SUPT3H: variants seen among roughly 807,000 people sequenced by gnomAD.
SUPT3H encodes transcription initiation protein SPT3 homolog.
In SUPT3H, 44 loss-of-function variants were observed where a neutral mutation model predicts 44.3. The ratio of observed to expected loss-of-function variants is 0.99; its 90% CI spans 0.78 to 1.28. SUPT3H has a LOEUF of 1.28. Among genes scored for constraint, SUPT3H ranks in the 50% most tolerant of loss-of-function variants. SUPT3H has a pLI of 0.00. For synonymous variants in SUPT3H, 124 were observed against 125.6 expected (o/e 0.99, Z 0.09); for missense variants, 380 against 387.1 (o/e 0.98, Z 0.15).
At chr6:44,954,690 A>T (rs1774851598) in intron 7 of SUPT3H, 83 bp from the exon 8 acceptor site, 1 of 765,666 alleles carries the variant, frequency 1.3e-6, no homozygotes, top group South Asian at 1.6e-5. Flanking sequence ...AAAATTAAAA[A>T]AGTATACTCA....
intron 2 of SUPT3H, among the ~76,000 whole-genome samples, chr6:45,114,417 G>A (rs144249869): frequency 6.6e-6 from 1 of 152,112 alleles, no homozygotes; most frequent in South Asian, 2.1e-4. Flanking sequence ...GCAATGGGCA[G>A]TGTGAAATAT....
chr6:45,155,413 G>A (rs1223215843), intron 2 of SUPT3H, among the ~76,000 whole-genome samples: 10 of 152,010 alleles, frequency 6.6e-5, no homozygotes, highest in Non-Finnish European at 1.3e-4. Context: ...TGAGGGAAGG[G>A]GCTGATGTGG....
At chr6:45,023,986 A>G (rs1785558663) in intron 3 of SUPT3H, among the ~76,000 whole-genome samples, 1 of 152,198 alleles carries the variant, frequency 6.6e-6, no homozygotes, top group South Asian at 2.1e-4. Context: ...TAAACTTAAA[A>G]TTGGTGCATT....
At chr6:44,895,263 T>A (rs1763958408) in intron 10 of SUPT3H, among the ~76,000 whole-genome samples, 1 of 150,964 alleles carries the variant, frequency 6.6e-6, no homozygotes, top group South Asian at 2.1e-4. Flanking sequence ...TGTTTTTTTT[T>A]TTTTTTTTTT....
intron 2 of SUPT3H, chr6:45,251,241 T>A (rs373940583): frequency 1.3e-5 from 2 of 152,342 alleles, no homozygotes; most frequent in East Asian, 3.9e-4. Flanking sequence ...TGATCAGAGA[T>A]GTATGTGTAT....
intron 2 of SUPT3H, among the ~76,000 whole-genome samples, chr6:45,320,359 G>A (rs1785295088): frequency 6.6e-6 from 1 of 151,942 alleles, no homozygotes; most frequent in African/African-American, 2.4e-5. Flanking sequence ...CACCTCCTGG[G>A]GTCAGGTGAT....
intron 3 of SUPT3H, among the ~76,000 whole-genome samples, chr6:45,033,070 C>T (rs1323124441): frequency 1.3e-5 from 2 of 151,620 alleles, no homozygotes; most frequent in Non-Finnish European, 2.9e-5. Flanking sequence ...TACTAACTCA[C>T]CAAAACAAAA....
chr6:44,876,573 C>T (rs1168592112), intron 10 of SUPT3H, among the ~76,000 whole-genome samples: 14 of 147,776 alleles, frequency 9.5e-5, no homozygotes, highest in African/African-American at 3.2e-4. Flanking sequence ...TTAGTGGGTG[C>T]AGCGCACCAG....
chr6:45,199,794 T>A (rs1665832814), intron 2 of SUPT3H, among the ~76,000 whole-genome samples: 1 of 151,494 alleles, frequency 6.6e-6, no homozygotes, highest in South Asian at 2.1e-4. Flanking sequence ...CCATTCATAA[T>A]TCAGAAATGT....
chr6:44,959,496 A>T (rs979717533), intron 7 of SUPT3H, among the ~76,000 whole-genome samples: 5 of 152,140 alleles, frequency 3.3e-5, no homozygotes, highest in African/African-American at 1.2e-4. Flanking sequence ...TAAAATAAAA[A>T]GTTGAAAGTA....
chr6:44,881,912 A>G (rs775874529), intron 10 of SUPT3H, among the ~76,000 whole-genome samples: 2 of 152,140 alleles, frequency 1.3e-5, no homozygotes, highest in Non-Finnish European at 2.9e-5. Context: ...TTATAGCACT[A>G]AAATGCCCAC....
intron 10 of SUPT3H, among the ~76,000 whole-genome samples, chr6:44,843,795 T>C (rs1212715475): frequency 6.6e-6 from 1 of 152,096 alleles, no homozygotes; most frequent in African/African-American, 2.4e-5. Context: ...TATTTTTCCA[T>C]AGACTTATCT....
intron 2 of SUPT3H, among the ~76,000 whole-genome samples, chr6:45,226,015 A>G (rs373557751): frequency 1.1e-4 from 17 of 152,232 alleles, no homozygotes; most frequent in African/African-American, 3.1e-4. Context: ...CATCTTCACA[A>G]GACATATACA....
intron 2 of SUPT3H, among the ~76,000 whole-genome samples, chr6:45,111,473 A>G (rs1800046258): frequency 6.6e-6 from 1 of 152,016 alleles, no homozygotes; most frequent in South Asian, 2.1e-4. Flanking sequence ...AGTGTTCCCT[A>G]CCAAGTAAAT....
chr6:45,292,741 G>C (rs1048035157), intron 2 of SUPT3H, among the ~76,000 whole-genome samples: 1 of 146,484 alleles, frequency 6.8e-6, no homozygotes, highest in African/African-American at 2.5e-5. Context: ...AGACAAGGAG[G>C]GACATTATAT....
intron 3 of SUPT3H, among the ~76,000 whole-genome samples, chr6:45,084,676 G>A (rs1481094897): frequency 6.6e-6 from 1 of 152,066 alleles, no homozygotes; most frequent in African/African-American, 2.4e-5. Flanking sequence ...GTTCATCACA[G>A]CCCTATTCAC....
At chr6:44,975,124 T>A (rs1374704223) in intron 6 of SUPT3H, among the ~76,000 whole-genome samples, 1 of 151,922 alleles carries the variant, frequency 6.6e-6, no homozygotes, top group Non-Finnish European at 1.5e-5. Context: ...TGAGCAGAGA[T>A]CGGGCCACTG....
intron 9 of SUPT3H, among the ~76,000 whole-genome samples, chr6:44,950,988 C>T (rs1295587874): frequency 6.6e-6 from 1 of 151,926 alleles, no homozygotes; most frequent in Non-Finnish European, 1.5e-5. Flanking sequence ...TCATTCCTTC[C>T]TAACTCTAGC....
At chr6:45,267,406 T>A (rs1248355105) in intron 2 of SUPT3H, among the ~76,000 whole-genome samples, 1 of 152,248 alleles carries the variant, frequency 6.6e-6, no homozygotes, top group Non-Finnish European at 1.5e-5. Context: ...TATGCACACA[T>A]TTCTGCACAT....
Sources: gnomAD v4.1 joint callset for allele counts (sites outside exome capture counted in the v4.1 genomes callset) on GRCh38, gnomAD v4.1.1 for gene constraint, MANE v1.5 for transcripts, NCBI Gene and HGNC (gene_info 2026-07-23, HGNC 2026-07-21) for gene names.